CYP3A5: variants seen among roughly 807,000 people sequenced by gnomAD.
CYP3A5 encodes cytochrome P450 3A5.
Under a neutral mutation model 55.9 loss-of-function variants are expected in CYP3A5, and 51 were observed. That is an observed-to-expected ratio of 0.91 (90% CI 0.73 to 1.15). The LOEUF (loss-of-function observed/expected upper bound fraction) is 1.15, where lower values mean the gene tolerates loss of function less well. Among genes scored for constraint, CYP3A5 ranks in the 50% most tolerant of loss-of-function variants. The pLI is 0.00. For missense variants in CYP3A5, 533 were observed against 596.6 expected (o/e 0.89, Z 1.11); for synonymous variants, 196 against 213.9 (o/e 0.92, Z 0.73).
intron 6 of CYP3A5, among the ~76,000 whole-genome samples, chr7:99,665,807 A>G (rs1167433404): frequency 6.6e-6 from 1 of 152,158 alleles, no homozygotes; most frequent in African/African-American, 2.4e-5. Context: ...ATCATCCTTT[A>G]TTCTCTACAC....
chr7:99,676,348 G>A, intron 1 of CYP3A5, 140 bp from the exon 2 acceptor site: 1 of 1,544,904 alleles, frequency 6.5e-7, no homozygotes, highest in South Asian at 1.1e-5. Flanking sequence ...TCCAACATCA[G>A]TAATTGCATT....
rs201874630 is a variant in CYP3A5 at position 99,674,523 on chromosome 7, G to A, written c.218+10C>T. 6.2e-7 allele frequency: 1 copy of A among 1,612,638 alleles called. No homozygotes were observed. The highest frequency in any genetic ancestry group is 1.3e-5 in the African/African-American group (1 of 75,016). ...CAGGTCTATCCAATGGAGGTTTTCA[G>A]AATACTCACCCCCACATTTTTCCAT... is the stretch of plus-strand genomic sequence containing the variant. On this transcript the variant is annotated intron_variant, in intron 3 of 12. Coordinates refer to ENST00000222982, the MANE Select transcript of CYP3A5 (RefSeq NM_000777.5).
At chr7:99,670,167 G>A (rs1229477785) in intron 4 of CYP3A5, among the ~76,000 whole-genome samples, 1 of 152,188 alleles carries the variant, frequency 6.6e-6, no homozygotes, top group Non-Finnish European at 1.5e-5. Context: ...GCTTTGTGAT[G>A]TGAAATCAAG....
chr7:99,660,305 G>C, intron 10 of CYP3A5, 194 bp downstream of exon 10: 2 of 1,101,870 alleles, frequency 1.8e-6, no homozygotes, highest in Non-Finnish European at 2.2e-6. Flanking sequence ...ATTGTACAAA[G>C]ATCTTATGCT....
intron 4 of CYP3A5, chr7:99,671,117 TTGTGTGTG>T (rs59010937): frequency 0.021 from 3,019 of 141,896 alleles, 43 homozygotes; most frequent in Middle Eastern, 0.062. Context: ...CACAGACCAT[TTGTGTGTG>T]TGTGTGTGTG....
At chr7:99,671,685 A>C in intron 4 of CYP3A5, 1 of 617,670 alleles carries the variant, frequency 1.6e-6, no homozygotes. Context: ...GGATTTTCAG[A>C]CTTAACACCA....
chr7:99,659,993 C>A (rs560318876), intron 10 of CYP3A5: 1 of 158,864 alleles, frequency 6.3e-6, no homozygotes, highest in East Asian at 1.9e-4. Flanking sequence ...AAAGGGAATT[C>A]CCTGACCCCT....
Position 99,662,798 on chromosome 7 carries a change from G to T in CYP3A5, c.865+18C>A. 1 of 1,611,060 alleles carries T rather than the reference G, an allele frequency of 6.2e-7. No individual in the cohort carries two copies. Among genetic ancestry groups the T allele is most frequent in the Non-Finnish European group, 8.5e-7 (1 of 1,177,348 alleles). ...TTAGTGTCCCCGCCAGTAGCCCTCA[G>T]AAGCACTCCTTGGTTACCTTTGTGG... On this transcript the variant is annotated intron_variant, in intron 9 of 12. Coordinates refer to ENST00000222982, the MANE Select transcript of CYP3A5 (RefSeq NM_000777.5). The surrounding 1 kb of genome is among the most constrained non-coding windows in gnomAD (Gnocchi z 4.3).
chr7:99,660,725 A>T (rs547426142), intron 9 of CYP3A5, 66 bp from the exon 10 acceptor site: 1 of 1,564,790 alleles, frequency 6.4e-7, no homozygotes, highest in South Asian at 1.1e-5. Flanking sequence ...CTTAGATGAA[A>T]TCTAAGTGAA....
At chr7:99,663,437 A>T in intron 8 of CYP3A5, 1 of 989,974 alleles carries the variant, frequency 1.0e-6, no homozygotes, top group Non-Finnish European at 1.2e-6. Flanking sequence ...CGTGAAGGCA[A>T]AGCTGAGTTA....
intron 9 of CYP3A5, among the ~76,000 whole-genome samples, chr7:99,661,801 G>T (rs886951986): frequency 1.3e-5 from 2 of 152,200 alleles, no homozygotes; most frequent in African/African-American, 4.8e-5. Context: ...ATACTGAGTT[G>T]AAATTGAACT....
At position 99,667,029 on chromosome 7, in the gene CYP3A5, A is replaced by G; in HGVS notation, c.355T>C (p.Ser119Pro). The change falls in exon 5 of 13, where the codon TCT becomes CCT. Residue 119 changes from serine to proline, a missense_variant. Physicochemically the swap from Ser to Pro is moderately conservative, Grantham distance 74 (BLOSUM62 -1). Transcript: ENST00000222982. ...TTCCATTCTTCATCCTCAGCTAAAG[A>G]GATGGCACTTTTCATAAATCCCACT... Reference protein sequence around the residue: ...GPVGFMKSAISLAEDEEWKRI... With the variant: ...GPVGFMKSAIPLAEDEEWKRI... 6.2e-7 allele frequency: 1 copy of G among 1,614,144 alleles called. No individual in the cohort carries two copies. Among genetic ancestry groups the G allele is most frequent in the Non-Finnish European group, 8.5e-7 (1 of 1,179,996 alleles).
At chr7:99,676,575 T>A (rs1191600295) in intron 1 of CYP3A5, 2 of 1,354,386 alleles carry the variant, frequency 1.5e-6, no homozygotes, top group African/African-American at 2.9e-5. Context: ...GGGACTCTCA[T>A]CCTAGGTAGA....
At chr7:99,654,302 A>G (rs1226333195) in intron 10 of CYP3A5, among the ~76,000 whole-genome samples, 1 of 152,026 alleles carries the variant, frequency 6.6e-6, no homozygotes, top group Non-Finnish European at 1.5e-5. Context: ...TCATTGTTCA[A>G]TTCCCACCTA....
intron 1 of CYP3A5, among the ~76,000 whole-genome samples, chr7:99,677,907 T>C (rs554764755): frequency 6.6e-6 from 1 of 152,322 alleles, no homozygotes; most frequent in South Asian, 2.1e-4. Flanking sequence ...AGGAAAGATC[T>C]TGGTGAGTGT....
At position 99,662,090 on chromosome 7, in the gene CYP3A5, TAGAC is replaced by T. The variant is rs376236772; in HGVS notation, c.865+722_865+725del. ...GGCAGATAGATGATTGACAGATAGA[TAGAC>T]AGACAGAAGTAGATGTAGACATGGA... On this transcript the variant is annotated intron_variant, in intron 9 of 12. Transcript: ENST00000222982. The surrounding 1 kb of genome is among the most constrained non-coding windows in gnomAD (Gnocchi z 4.3). 2.9e-4 allele frequency among the ~76,000 whole-genome samples: 44 copies of T among 152,306 alleles called. No homozygotes were observed. The highest frequency in any genetic ancestry group is 4.8e-4 in the African/African-American group (20 of 41,556).
intron 4 of CYP3A5, chr7:99,671,830 T>G (rs1217578982): frequency 1.4e-6 from 1 of 702,818 alleles, no homozygotes; most frequent in Non-Finnish European, 2.6e-6. Flanking sequence ...GGGAGCCACA[T>G]GGTGACGGAA....
chr7:99,668,002 A>G (rs369195289), intron 4 of CYP3A5, among the ~76,000 whole-genome samples: 2 of 152,350 alleles, frequency 1.3e-5, no homozygotes, highest in East Asian at 3.9e-4. Flanking sequence ...AATTGTCTCT[A>G]TTTTCAGGTG....
At chr7:99,661,188 CTCTTGCT>C (rs1164770919) in intron 9 of CYP3A5, among the ~76,000 whole-genome samples, 2 of 152,156 alleles carry the variant, frequency 1.3e-5, no homozygotes, top group Non-Finnish European at 2.9e-5. Context: ...TACAGATCAC[CTCTTGCT>C]ACTCAAAGTG....
Sources: gnomAD v4.1 joint callset for allele counts (sites outside exome capture counted in the v4.1 genomes callset) on GRCh38, gnomAD v4.1.1 for gene constraint, Gnocchi (gnomAD v3.1) non-coding constraint, MANE v1.5 for transcripts, NCBI Gene and HGNC (gene_info 2026-07-23, HGNC 2026-07-21) for gene names.